Variants in USP37 observed in about 807,000 individuals in gnomAD.
USP37 encodes the protein ubiquitin specific peptidase 37.
A neutral mutation model predicts 124.0 loss-of-function variants in USP37; 27 were observed. The ratio of observed to expected loss-of-function variants is 0.22; its 90% CI spans 0.16 to 0.30. The LOEUF is 0.30. Ranked by LOEUF, USP37 falls within the 10% of genes least tolerant of loss-of-function variation. The pLI is 1.00. For synonymous variants in USP37, 365 were observed against 388.0 expected, an observed-to-expected ratio of 0.94 and a Z score of 0.70; for missense variants, 889 against 1,140.4, an observed-to-expected ratio of 0.78 and a Z score of 3.17.
intron 11 of USP37, among the ~76,000 whole-genome samples, chr2:218,507,746 A>G (rs1234334602): frequency 6.6e-6 from 1 of 152,132 alleles, no homozygotes; most frequent in African/African-American, 2.4e-5. Flanking sequence ...TCATTTTGAC[A>G]TGATCCTTAA....
At chr2:218,500,399 A>G (rs535709517) in intron 11 of USP37, among the ~76,000 whole-genome samples, 3 of 152,228 alleles carry the variant, frequency 2.0e-5, no homozygotes, top group Admixed American at 1.3e-4. Context: ...AGCTGGGATT[A>G]CAGGTGTGCA....
rs769651764 is a variant in USP37, at chr2:218,495,823, G to A, written c.1409C>T (p.Ala470Val). 6 of 1,613,970 alleles carry A rather than the reference G, an allele frequency of 3.7e-6. No homozygotes were observed. Among genetic ancestry groups the A allele is most frequent in the Non-Finnish European group, 1.7e-6 (2 of 1,180,018 alleles). Residue 470 changes from alanine (A) to valine (V), a missense_variant, in exon 14 of 26, where the codon GCA becomes GTA. Coordinates refer to ENST00000258399, the MANE Select transcript of USP37 (RefSeq NM_020935.3). ...ATTAGTAATAACAGGGCAAGTGTAT[G>A]CTCTGGTAGCTGAAATATCTGGTGA... ...ENSPDISATR[A>V]YTCPVITNLE...
At chr2:218,472,202 C>G (rs571081926) in intron 20 of USP37, among the ~76,000 whole-genome samples, 1 of 152,040 alleles carries the variant, frequency 6.6e-6, no homozygotes, top group South Asian at 2.1e-4. Context: ...GTTGCCAGGC[C>G]ATCTTAATGT....
intron 23 of USP37, among the ~76,000 whole-genome samples, chr2:218,457,954 G>A (rs1277560413): frequency 6.6e-6 from 1 of 150,890 alleles, no homozygotes; most frequent in Non-Finnish European, 1.5e-5. Context: ...GCAGGAGAAT[G>A]GCATGAATCC....
chr2:218,522,217 T>C (rs893850439), intron 10 of USP37, among the ~76,000 whole-genome samples: 1 of 151,984 alleles, frequency 6.6e-6, no homozygotes, highest in Non-Finnish European at 1.5e-5. Context: ...ACCCATCTTC[T>C]TAGGCCTTCT....
At chr2:218,455,776 G>C in intron 24 of USP37, 58 bp from the exon 25 acceptor site, 1 of 1,562,398 alleles carries the variant, frequency 6.4e-7, no homozygotes, top group Admixed American at 1.8e-5. Context: ...AGCTGGGCGC[G>C]ATGGCTCACG....
At chr2:218,545,844 T>C (rs939689912) in intron 8 of USP37, among the ~76,000 whole-genome samples, 2 of 152,142 alleles carry the variant, frequency 1.3e-5, no homozygotes, top group Non-Finnish European at 2.9e-5. Context: ...GGCTGACTTT[T>C]TACATGAGTA....
At chr2:218,487,973 C>T (rs1240092306) in intron 15 of USP37, among the ~76,000 whole-genome samples, 1 of 151,166 alleles carries the variant, frequency 6.6e-6, no homozygotes, top group East Asian at 1.9e-4. Flanking sequence ...CACTTAAGGT[C>T]AGGAGTTCGA....
rs777442521 is a variant in USP37, at chr2:218,476,970, A to G, written c.1913T>C (p.Phe638Ser). The G allele has an allele frequency of 2.0e-6, 3 of 1,503,322 alleles. No individual in the cohort carries two copies. The South Asian group carries it at 4.2e-5, about 21-fold the overall frequency. The allele number at this position is 1,503,322 out of a possible 1,614,324, so 93.1% of individuals were successfully genotyped here. The change falls in exon 19 of 26, where the codon TTC becomes TCC. Residue 638 changes from phenylalanine to serine, a missense_variant. By Grantham distance (155) the Phe-to-Ser change is radical (BLOSUM62 -2). Transcript: ENST00000258399. Reference protein sequence around the residue: ...SPSTPSKKFTFKSKSSLALCL... With the variant: ...SPSTPSKKFTSKSKSSLALCL... ...TAAAGCCAAGGAGCTCTTGGATTTG[A>G]AGGTGAATTTCCTGTAATTTAAGGA...
chr2:218,498,293 C>T, intron 11 of USP37, 136 bp from the exon 12 acceptor site: 1 of 870,170 alleles, frequency 1.1e-6, no homozygotes, highest in Non-Finnish European at 1.6e-6. Flanking sequence ...CACCCTAACC[C>T]CAAGGTTTCT....
intron 2 of USP37, 63 bp downstream of exon 2, chr2:218,562,610 T>C (rs1203519317): frequency 2.5e-6 from 1 of 397,124 alleles, no homozygotes; most frequent in Non-Finnish European, 4.4e-6. Context: ...AACACAAAAC[T>C]GTCAGTTCCC....
Position 218,467,980 on chromosome 2 carries a change from TAG to T in USP37, c.2300-1806_2300-1805del, listed in dbSNP as rs1219607427. On this transcript the variant is annotated intron_variant, in intron 20 of 25. Transcript: ENST00000258399. ...TCCGCTCACTGCAACCTCCACCTTC[TAG>T]GTTCAAGCGATTCTCCTGCCTCAGC... Among the ~76,000 whole-genome samples, 6 of 151,104 alleles carry T rather than the reference TAG, an allele frequency of 4.0e-5. No individual in the cohort carries two copies. In the South Asian group the frequency reaches 1.0e-3, roughly 26 times the overall value.
In USP37 at chr2:218,455,485, T is replaced by G. The variant is rs975529887; in HGVS notation, c.2852+95A>C. The G allele has an allele frequency of 3.3e-5, 49 of 1,481,344 alleles. No homozygotes were observed. In the African/African-American group the frequency reaches 5.8e-4, roughly 17 times the overall value. 91.8% of individuals were successfully genotyped at this position (1,481,344 alleles called of 1,614,324 possible). A position where few individuals can be genotyped will look rare whatever the true frequency, so the allele number is the denominator to read the frequency against. On this transcript the variant is annotated intron_variant, in intron 25 of 25. Coordinates refer to ENST00000258399, the MANE Select transcript of USP37 (RefSeq NM_020935.3). ...AACCAAAAATTTTCAACCAATCAACTGATGGAAACATTTTATCCTCAAAGG... is the reference window on the plus strand; with the variant it reads ...AACCAAAAATTTTCAACCAATCAACGGATGGAAACATTTTATCCTCAAAGG...
chr2:218,508,782 T>C (rs1689820680), intron 11 of USP37, among the ~76,000 whole-genome samples: 2 of 151,990 alleles, frequency 1.3e-5, no homozygotes, highest in African/African-American at 2.4e-5. Flanking sequence ...GGAGAGTGAA[T>C]TGTTTTCACT....
chr2:218,502,117 A>C (rs1397419482), intron 11 of USP37, among the ~76,000 whole-genome samples: 2 of 152,202 alleles, frequency 1.3e-5, no homozygotes, highest in African/African-American at 4.8e-5. Context: ...CAGCTGAGAA[A>C]GAAGAAAAAA....
chr2:218,490,943 G>A (rs982269960), intron 14 of USP37, among the ~76,000 whole-genome samples: 13 of 152,086 alleles, frequency 8.5e-5, no homozygotes, highest in Non-Finnish European at 1.9e-4. Flanking sequence ...GCCCGACCAC[G>A]GCTCACTACA....
In USP37 at chr2:218,565,608, A is replaced by T. The variant is rs181927260; in HGVS notation, c.-230+2570T>A. Among the ~76,000 whole-genome samples, 11 of 152,370 alleles carry T rather than the reference A, an allele frequency of 7.2e-5. No individual in the cohort carries two copies. The East Asian group carries it at 2.1e-3, about 29-fold the overall frequency. ...GTCATGAGATGATGACAAGAACATCAGCAAGCTTTGCTTCCAAAAGACATG... is the reference window on the plus strand; with the variant it reads ...GTCATGAGATGATGACAAGAACATCTGCAAGCTTTGCTTCCAAAAGACATG... On this transcript the variant is annotated intron_variant, in intron 1 of 25. Transcript: ENST00000258399.
chr2:218,562,888 G>C (rs1166281313), intron 1 of USP37, 75 bp from the exon 2 acceptor site: 7 of 391,832 alleles, frequency 1.8e-5, no homozygotes, highest in Non-Finnish European at 1.4e-5. Context: ...AGTGGGCTGG[G>C]CACGGTGGCT....
At chr2:218,478,160 C>A (rs975763454) in intron 18 of USP37, among the ~76,000 whole-genome samples, 3 of 152,032 alleles carry the variant, frequency 2.0e-5, no homozygotes, top group African/African-American at 7.2e-5. Flanking sequence ...GATTACATAG[C>A]AATGTAGATC....
Sources: allele counts gnomAD v4.1 joint callset (sites outside exome capture counted in the v4.1 genomes callset), GRCh38; gene constraint gnomAD v4.1.1; transcripts MANE v1.5; gene names NCBI Gene and HGNC (gene_info 2026-07-23, HGNC 2026-07-21).